The following ARV1 variants were observed in gnomAD, a reference collection of about 807,000 sequenced individuals.
ARV1 encodes the protein protein ARV1.
In ARV1, 26 loss-of-function variants were observed where a neutral mutation model predicts 31.1. The observed-to-expected ratio is 0.84, with a 90% confidence interval of 0.61 to 1.16. The LOEUF is 1.16. ARV1 is among the 50% of genes most tolerant of loss of function. The pLI, the probability that ARV1 is intolerant of heterozygous loss-of-function variation, is 0.00. For synonymous variants in ARV1, 117 were observed against 123.2 expected (o/e 0.95, Z 0.34); for missense variants, 281 against 324.9 (o/e 0.86, Z 1.04).
chr1:230,981,827 G>A (rs2103041915), intron 1 of ARV1, among the ~76,000 whole-genome samples: 1 of 152,192 alleles, frequency 6.6e-6, no homozygotes, highest in African/African-American at 2.4e-5. Flanking sequence ...CAGTCCCGCT[G>A]GCATCCTGGT....
chr1:230,981,744 G>A (rs2103041842), intron 1 of ARV1, among the ~76,000 whole-genome samples: 1 of 152,170 alleles, frequency 6.6e-6, no homozygotes, highest in East Asian at 1.9e-4. Context: ...CAGAGTTAAG[G>A]CCTGAATCCC....
intron 1 of ARV1, among the ~76,000 whole-genome samples, chr1:230,987,263 A>G (rs1162322743): frequency 1.3e-5 from 2 of 152,216 alleles, no homozygotes; most frequent in African/African-American, 2.4e-5. Context: ...GCAGGACAGC[A>G]TGCAATTTAA....
At chr1:230,998,351 C>T (rs1476479453) in intron 5 of ARV1, among the ~76,000 whole-genome samples, 1 of 152,224 alleles carries the variant, frequency 6.6e-6, no homozygotes, top group Non-Finnish European at 1.5e-5. Flanking sequence ...TGTAAAGCTT[C>T]TCTGCCTCTC....
At chr1:230,986,668 A>ATTTTTTTTTTTTTTTTTTTTTTTTTTTTT (rs1162209283) in intron 1 of ARV1, among the ~76,000 whole-genome samples, 1 of 62,292 alleles carries the variant, frequency 1.6e-5, no homozygotes, top group Non-Finnish European at 3.1e-5. Flanking sequence ...TACTTTTCCT[A>ATTTTTTTTTTTTTTTTTTTTTTTTTTTTT]TTTTTTTTTT....
At chr1:230,994,135 A>G (rs148915017) in intron 3 of ARV1, among the ~76,000 whole-genome samples, 2 of 152,286 alleles carry the variant, frequency 1.3e-5, no homozygotes, top group Non-Finnish European at 2.9e-5. Flanking sequence ...AGTATTCTAT[A>G]CGTAGGTAGC....
At chr1:230,984,373 T>TGTGTGTGTGCGTGC (rs1679001457) in intron 1 of ARV1, among the ~76,000 whole-genome samples, 1 of 111,016 alleles carries the variant, frequency 9.0e-6, no homozygotes, top group African/African-American at 3.3e-5. Context: ...CGTGTGTGTG[T>TGTGTGTGTGCGTGC]GTGTGTGTGT....
At chr1:230,981,399 T>A (rs1678906622) in intron 1 of ARV1, among the ~76,000 whole-genome samples, 1 of 152,224 alleles carries the variant, frequency 6.6e-6, no homozygotes, top group African/African-American at 2.4e-5. Context: ...TAATGGCAAC[T>A]TTACCATTTT....
At chr1:230,997,307 G>C in intron 5 of ARV1, 40 bp downstream of exon 5, 1 of 1,598,700 alleles carries the variant, frequency 6.3e-7, no homozygotes. Context: ...CAGACATGTA[G>C]CCTTCTCAAA....
intron 1 of ARV1, among the ~76,000 whole-genome samples, chr1:230,988,102 A>G (rs1679132316): frequency 6.6e-6 from 1 of 152,242 alleles, no homozygotes; most frequent in Non-Finnish European, 1.5e-5. Flanking sequence ...TGACGTTAAA[A>G]TATTAATATT....
rs559034492 is a variant in ARV1 at position 230,996,014 on chromosome 1, A to T, written c.673+30A>T. ...GTTTATGTGTTTATTCTGCCTTCTC[A>T]GTTTTCAACCCATAAAAAGCTTAAA... On this transcript the variant is annotated intron_variant, in intron 4 of 5. Coordinates refer to ENST00000310256, the MANE Select transcript of ARV1 (RefSeq NM_022786.3). The T allele has an allele frequency of 2.5e-6, 4 of 1,572,858 alleles. No individual in the cohort carries two copies. The Admixed American group carries it at 5.3e-5, about 21-fold the overall frequency.
At chr1:230,983,065 T>G (rs1678954836) in intron 1 of ARV1, among the ~76,000 whole-genome samples, 1 of 152,120 alleles carries the variant, frequency 6.6e-6, no homozygotes, top group South Asian at 2.1e-4. Context: ...GTCCCTTGCT[T>G]TTAACCAATC....
rs1329355855 is a variant in ARV1, at chr1:230,995,816, A to G, written c.505A>G (p.Thr169Ala). The G allele has an allele frequency of 3.1e-6, 5 of 1,614,110 alleles. No individual in the cohort carries two copies. In the South Asian group the frequency reaches 4.4e-5, roughly 14 times the overall value. Residue 169 changes from threonine to alanine, a missense_variant, in exon 4 of 6, where the codon ACG becomes GCG. By Grantham distance (58) the Thr-to-Ala change is moderately conservative. Coordinates refer to ENST00000310256, the MANE Select transcript of ARV1 (RefSeq NM_022786.3). ...CTTCCTGTGGGTAGAACGGCCCATG[A>G]CGGCAAAAAAAAAGCCCAACTTCAT... ...FTFLWVERPM[T>A]AKKKPNFILL...
chr1:230,990,315 A>G (rs1317008510), intron 3 of ARV1, 52 bp downstream of exon 3: 1 of 1,593,792 alleles, frequency 6.3e-7, no homozygotes. Context: ...TACTTAACTA[A>G]TCTGGTTAAA....
At chr1:230,999,551 G>C (rs1679466307) in intron 5 of ARV1, 1 of 152,230 alleles carries the variant, frequency 6.6e-6, no homozygotes. Context: ...TTCTCCCCAG[G>C]CATGTTCCTA....
intron 2 of ARV1, 62 bp downstream of exon 2, chr1:230,988,501 TAAG>T: frequency 7.3e-7 from 1 of 1,362,994 alleles, no homozygotes; most frequent in Non-Finnish European, 1.0e-6. Flanking sequence ...AAAAGAATAA[TAAG>T]AATTTTAAAC....
intron 1 of ARV1, among the ~76,000 whole-genome samples, chr1:230,984,513 T>G (rs1679006946): frequency 6.6e-6 from 1 of 151,942 alleles, no homozygotes; most frequent in Non-Finnish European, 1.5e-5. Context: ...TGTAAACTTG[T>G]TGTGCCCAGG....
rs1329295924 is a variant in ARV1, at chr1:230,979,207, C to T, written c.102C>T (p.Cys34=). ...CCTCGGCCTCCTGCCAGTACAGGTG[C>T]ATCGAATGCAACCAGGAGGCCAAAG... is the stretch of plus-strand genomic sequence containing the variant. ...TAASASCQYR[C]IECNQEAKEL... The change falls in exon 1 of 6, where the codon TGC becomes TGT. Residue 34 remains cysteine (C), a synonymous_variant. Coordinates refer to ENST00000310256, the MANE Select transcript of ARV1 (RefSeq NM_022786.3). The T allele has an allele frequency of 6.2e-7, 1 of 1,613,422 alleles. No individual in the cohort carries two copies. The highest frequency in any genetic ancestry group is 1.3e-5 in the African/African-American group (1 of 74,866).
At chr1:230,979,407 A>G (rs1025894950) in intron 1 of ARV1, 128 bp downstream of exon 1, 8 of 1,090,628 alleles carry the variant, frequency 7.3e-6, no homozygotes, top group Middle Eastern at 2.5e-4. Flanking sequence ...GGATCTTTGC[A>G]TGAATATCTG....
At chr1:230,996,100 T>A in intron 4 of ARV1, 116 bp downstream of exon 4, 1 of 755,194 alleles carries the variant, frequency 1.3e-6, no homozygotes, top group South Asian at 1.8e-5. Context: ...CTTCATCGCA[T>A]AGTAATAATA....
Sources: gnomAD v4.1 joint callset for allele counts (sites outside exome capture counted in the v4.1 genomes callset) on GRCh38, gnomAD v4.1.1 for gene constraint, MANE v1.5 for transcripts, NCBI Gene and HGNC (gene_info 2026-07-23, HGNC 2026-07-21) for gene names.